SREK1: variants seen among roughly 807,000 people sequenced by gnomAD.
SREK1 encodes splicing regulatory glutamine/lysine-rich protein 1.
A neutral mutation model predicts 66.5 loss-of-function variants in SREK1; 13 were observed. The ratio of observed to expected loss-of-function variants is 0.20; its 90% confidence interval spans 0.13 to 0.31. The LOEUF is 0.31. Ranked by LOEUF, SREK1 falls within the 10% of genes least tolerant of loss-of-function variation. The probability of loss-of-function intolerance (pLI) is 1.00; values close to 1 mark genes in which losing one functional copy is unlikely to be tolerated. For synonymous variants in SREK1, 265 were observed against 263.5 expected (o/e 1.01, Z -0.05); for missense variants, 607 against 769.6 (o/e 0.79, Z 2.50).
rs773088023 is a variant in SREK1 at position 66,177,678 on chromosome 5, T to C, written c.1725+20T>C. 6.4e-7 allele frequency: 1 copy of C among 1,572,044 alleles called. No individual in the cohort carries two copies. The highest frequency in any genetic ancestry group is 1.4e-5 in the African/African-American group (1 of 72,350). ...CTTAAAGTAAGCAGCAGTCATTCGG[T>C]GTCTGGCACTTGAAATGGTTCTTTA... On this transcript the variant is annotated intron_variant, in intron 11 of 11. Coordinates refer to ENST00000334121, the MANE Select transcript of SREK1 (RefSeq NM_001077199.3).
At chr5:66,167,367 AC>A (rs1745259757) in intron 7 of SREK1, 1 of 152,228 alleles carries the variant, frequency 6.6e-6, no homozygotes, top group Non-Finnish European at 1.5e-5. Flanking sequence ...TAGAACAGGA[AC>A]TGTAAGACAT....
In SREK1 at chr5:66,179,015, A is replaced by G. The variant is rs1463610501; in HGVS notation, c.*147A>G. 2 of 839,044 alleles carry G rather than the reference A, an allele frequency of 2.4e-6. No homozygotes were observed. Among genetic ancestry groups the G allele is most frequent in the South Asian group, 3.9e-5 (1 of 25,638 alleles). 52.0% of individuals were successfully genotyped at this position (839,044 alleles called of 1,614,324 possible). A position where few individuals can be genotyped will look rare whatever the true frequency, so the allele number is the denominator to read the frequency against. ...CCAGTTGTTAGATGACTTTGTGGCC[A>G]TCTTGTTATTGAGTAAGAAAATAAA... On this transcript the variant is annotated 3_prime_UTR_variant, in exon 12 of 12. Coordinates refer to ENST00000334121, the MANE Select transcript of SREK1 (RefSeq NM_001077199.3).
At position 66,182,705 on chromosome 5, in the gene SREK1, A is replaced by G. The variant is rs1746592394; in HGVS notation, c.*3837A>G. ...CTCAGCCTCTTGAATAGCTGGGACC[A>G]CAGACATGTGCCACCAAGCCCAGTT... is the stretch of plus-strand genomic sequence containing the variant. On this transcript the variant is annotated 3_prime_UTR_variant, in exon 12 of 12. Coordinates refer to ENST00000334121, the MANE Select transcript of SREK1 (RefSeq NM_001077199.3). 6.6e-6 allele frequency: 1 copy of G among 152,204 alleles called. No individual in the cohort carries two copies. The highest frequency in any genetic ancestry group is 2.4e-5 in the African/African-American group (1 of 41,424). 9.4% of individuals were successfully genotyped at this position (152,204 alleles called of 1,614,324 possible).
intron 9 of SREK1, among the ~76,000 whole-genome samples, chr5:66,172,336 G>A (rs1209510327): frequency 6.6e-6 from 1 of 151,628 alleles, no homozygotes; most frequent in Non-Finnish European, 1.5e-5. Context: ...ACTTTTTCTC[G>A]GGCCATTTTA....
intron 3 of SREK1, 96 bp from the exon 4 acceptor site, chr5:66,162,010 CTTG>C (rs1744813499): frequency 7.1e-7 from 1 of 1,404,852 alleles, no homozygotes; most frequent in Middle Eastern, 1.9e-4. Context: ...TCCTTTCATT[CTTG>C]TTGAGTTAGT....
intron 11 of SREK1, among the ~76,000 whole-genome samples, chr5:66,178,376 A>G (rs1746240303): frequency 6.6e-6 from 1 of 151,978 alleles, no homozygotes. Flanking sequence ...TTTTTGCTGC[A>G]TTGGTTTGCA....
At position 66,144,373 on chromosome 5, in the gene SREK1, C is replaced by A. The variant is rs959829055; in HGVS notation, c.-4C>A. 3 of 1,539,226 alleles carry A rather than the reference C, an allele frequency of 1.9e-6. No individual in the cohort carries two copies. The highest frequency in any genetic ancestry group is 2.6e-6 in the Non-Finnish European group (3 of 1,138,442). ...AGCGGGAAGGCAACGGCAGCGGGAT[C>A]GGGATGAACAGCGGCGGCGGCTTCG... On this transcript the variant is annotated 5_prime_UTR_variant, in exon 1 of 12. Coordinates refer to ENST00000334121, the MANE Select transcript of SREK1 (RefSeq NM_001077199.3).
chr5:66,159,856 C>T (rs1278033094), intron 3 of SREK1, among the ~76,000 whole-genome samples: 3 of 152,184 alleles, frequency 2.0e-5, no homozygotes, highest in African/African-American at 4.8e-5. Context: ...TACGGCCAGG[C>T]GCGGTGGCTC....
chr5:66,178,601 G>T, intron 11 of SREK1, 118 bp from the exon 12 acceptor site: 1 of 949,088 alleles, frequency 1.1e-6, no homozygotes, highest in Non-Finnish European at 1.5e-6. Flanking sequence ...AAAACGTAAT[G>T]AGAGAAAATC....
intron 1 of SREK1, among the ~76,000 whole-genome samples, chr5:66,150,256 A>G (rs922154609): frequency 5.3e-5 from 8 of 152,250 alleles, no homozygotes; most frequent in Non-Finnish European, 1.2e-4. Context: ...CCAAAGCAAT[A>G]TAGAATGTCT....
At chr5:66,175,430 T>G (rs1469116213) in intron 10 of SREK1, among the ~76,000 whole-genome samples, 3 of 152,198 alleles carry the variant, frequency 2.0e-5, no homozygotes, top group Non-Finnish European at 2.9e-5. Flanking sequence ...CTTCTTCAAT[T>G]CCTTTTTATA....
At chr5:66,166,483 C>G (rs1187790705) in intron 7 of SREK1, 1 of 151,644 alleles carries the variant, frequency 6.6e-6, no homozygotes, top group East Asian at 1.9e-4. Context: ...TTTTTTTTCC[C>G]CCCCCAAGAT....
chr5:66,152,656 A>G (rs985735700), intron 1 of SREK1, among the ~76,000 whole-genome samples: 2 of 152,194 alleles, frequency 1.3e-5, no homozygotes, highest in East Asian at 1.9e-4. Context: ...TATAAAATCT[A>G]TGTTACAGAT....
chr5:66,159,101 TGATA>T (rs1238302302), intron 2 of SREK1, 114 bp from the exon 3 acceptor site: 100 of 1,434,986 alleles, frequency 7.0e-5, no homozygotes, highest in Middle Eastern at 2.0e-4. Context: ...TATACAGATC[TGATA>T]GATAGATTCA....
intron 2 of SREK1, chr5:66,158,060 A>G (rs995102640): frequency 6.7e-6 from 1 of 150,168 alleles, no homozygotes; most frequent in Admixed American, 6.6e-5. Flanking sequence ...TTTACCAGCT[A>G]CCACATGAGT....
At position 66,170,587 on chromosome 5, in the gene SREK1, A is replaced by T; in HGVS notation, c.1124A>T (p.Asp375Val). 1 of 1,588,744 alleles carries T rather than the reference A, an allele frequency of 6.3e-7. No individual in the cohort carries two copies. The highest frequency in any genetic ancestry group is 8.5e-7 in the Non-Finnish European group (1 of 1,173,276). Reference protein sequence around the residue: ...RKSRSRSHSRDKRKDTREKIK... With the variant: ...RKSRSRSHSRVKRKDTREKIK... Reference sequence around the variant, plus strand: ...TTTATTTATTTTTGTTTTTAAAGGGACAAGAGAAAAGACACTCGAGAAAAG... The same window carrying T: ...TTTATTTATTTTTGTTTTTAAAGGGTCAAGAGAAAAGACACTCGAGAAAAG... Residue 375 changes from aspartate (D) to valine (V), a missense_variant and splice_region_variant, in exon 9 of 12, where the codon GAC becomes GTC. Physicochemically the swap from Asp to Val is radical, Grantham distance 152 (BLOSUM62 -3). Around this residue, in one of 5 missense-constraint regions of SREK1, gnomAD observed 318 missense variants for 310.3 expected, o/e 1.02. Transcript: ENST00000334121.
chr5:66,161,928 C>T lies in SREK1; in HGVS notation c.412-181C>T, dbSNP rs547401854. 5.9e-5 allele frequency among the ~76,000 whole-genome samples: 9 copies of T among 152,308 alleles called. No individual in the cohort carries two copies. The East Asian group carries it at 1.5e-3, about 26-fold the overall frequency. ...AGACAGTAAAATATATTTCAAATTA[C>T]ATTTAAAACTAATGTGACCTTACTT... On this transcript the variant is annotated intron_variant, in intron 3 of 11. Coordinates refer to ENST00000334121, the MANE Select transcript of SREK1 (RefSeq NM_001077199.3).
At chr5:66,144,724 G>A (rs1743002440) in intron 1 of SREK1, 187 bp downstream of exon 1, 1 of 1,300,230 alleles carries the variant, frequency 7.7e-7, no homozygotes, top group Non-Finnish European at 1.0e-6. Context: ...TCGGATTTGG[G>A]GGGTTAACTA....
chr5:66,151,221 A>G (rs1055795202), intron 1 of SREK1, among the ~76,000 whole-genome samples: 1 of 152,120 alleles, frequency 6.6e-6, no homozygotes, highest in African/African-American at 2.4e-5. Context: ...GAAGTTGATG[A>G]GTCCCAGCCA....
Sources: gnomAD v4.1 joint callset for allele counts (sites outside exome capture counted in the v4.1 genomes callset) on GRCh38, gnomAD v4.1.1 for gene constraint, gnomAD v4.1.1 regional missense constraint, MANE v1.5 for transcripts, NCBI Gene and HGNC (gene_info 2026-07-23, HGNC 2026-07-21) for gene names.